The following MAN1A2 variants were observed in gnomAD, a reference collection of about 807,000 sequenced individuals.
MAN1A2 encodes the protein mannosidase alpha class 1A member 2.
A neutral mutation model predicts 75.7 loss-of-function variants in MAN1A2; 26 were observed. That is an observed-to-expected ratio of 0.34 (90% CI 0.25 to 0.48). MAN1A2 has a LOEUF of 0.48. Ranked by LOEUF, MAN1A2 falls within the 20% of genes least tolerant of loss-of-function variation. The probability of loss-of-function intolerance (pLI) is 0.99; values close to 1 mark genes in which losing one functional copy is unlikely to be tolerated. For missense variants in MAN1A2, 562 were observed against 775.5 expected (o/e 0.72, Z 3.27); for synonymous variants, 247 against 264.6 (o/e 0.93, Z 0.65).
chr1:117,424,352 A>T (rs1648297496), intron 5 of MAN1A2, among the ~76,000 whole-genome samples: 1 of 152,170 alleles, frequency 6.6e-6, no homozygotes, highest in African/African-American at 2.4e-5. Context: ...AATTGCAGTG[A>T]TAGCTTTATT....
intron 12 of MAN1A2, among the ~76,000 whole-genome samples, chr1:117,520,815 AC>A (rs1203507853): frequency 6.6e-6 from 1 of 151,924 alleles, no homozygotes; most frequent in African/African-American, 2.4e-5. Flanking sequence ...ACTAGAAAAA[AC>A]ATCCTAAAAT....
rs59022844 is a variant in MAN1A2, at chr1:117,526,880, C to CTATATATATA, written c.*3943_*3952dup. 90 of 54,490 alleles carry CTATATATATA rather than the reference C, an allele frequency of 1.7e-3. No individual in the cohort carries two copies. The highest frequency in any genetic ancestry group is 2.3e-3 in the Non-Finnish European group (67 of 29,144). The allele number at this position is 54,490 out of a possible 1,614,324, so 3.4% of individuals were successfully genotyped here. On this transcript the variant is annotated 3_prime_UTR_variant, in exon 13 of 13. Transcript: ENST00000356554. ...TCTCTCTCTCTCTCTCTCTCTCTCT[C>CTATATATATA]TATATATATATATATATATATATAT...
intron 6 of MAN1A2, among the ~76,000 whole-genome samples, chr1:117,451,377 G>C (rs116357430): frequency 6.6e-6 from 1 of 152,232 alleles, no homozygotes; most frequent in Non-Finnish European, 1.5e-5. Context: ...GCATGTAGGC[G>C]GAGGGGACTT....
At chr1:117,459,139 A>G (rs1307799838) in intron 6 of MAN1A2, among the ~76,000 whole-genome samples, 1 of 152,192 alleles carries the variant, frequency 6.6e-6, no homozygotes, top group Non-Finnish European at 1.5e-5. Context: ...GTTCAGAGCA[A>G]TAGAGGCCAT....
At chr1:117,462,288 A>G (rs1649846971) in intron 7 of MAN1A2, among the ~76,000 whole-genome samples, 1 of 152,164 alleles carries the variant, frequency 6.6e-6, no homozygotes, top group African/African-American at 2.4e-5. Context: ...CATTGTTTAT[A>G]TTGGCAATTT....
intron 8 of MAN1A2, among the ~76,000 whole-genome samples, chr1:117,476,629 T>C (rs976851817): frequency 6.6e-6 from 1 of 151,946 alleles, no homozygotes; most frequent in Non-Finnish European, 1.5e-5. Flanking sequence ...TTTCCCCATT[T>C]CTTGTTTTTG....
intron 1 of MAN1A2, among the ~76,000 whole-genome samples, chr1:117,390,957 C>A (rs892301950): frequency 1.3e-5 from 2 of 152,098 alleles, no homozygotes; most frequent in African/African-American, 2.4e-5. Flanking sequence ...TTAAAGTATA[C>A]AATTCAGTGG....
Position 117,368,215 on chromosome 1 carries a change from G to T in MAN1A2, c.32G>T (p.Gly11Val). The change falls in exon 1 of 13, where the codon GGA (glycine) becomes GTA (valine). Residue 11 changes from glycine (G) to valine (V), a missense_variant. By Grantham distance (109) the Gly-to-Val change is moderately radical (BLOSUM62 -3). Transcript: ENST00000356554. ...ACCCCAGCCCTGCTGCCCCTCTCTG[G>T]ACGTAGGATACCACCTCTGAACCTG... The part of the protein sequence containing the change: MTTPALLPLS[G>V]RRIPPLNLGP... The T allele has an allele frequency of 6.2e-7, 1 of 1,613,826 alleles. No homozygotes were observed. The highest frequency in any genetic ancestry group is 8.5e-7 in the Non-Finnish European group (1 of 1,179,938).
At chr1:117,522,794 T>C (rs1393382306) in intron 12 of MAN1A2, 31 bp from the exon 13 acceptor site, 1 of 1,602,804 alleles carries the variant, frequency 6.2e-7, no homozygotes, top group South Asian at 1.1e-5. Context: ...GAATTCTAAC[T>C]GAAGCTCATT....
chr1:117,461,495 TAG>T (rs562333180), intron 7 of MAN1A2, among the ~76,000 whole-genome samples: 1 of 152,044 alleles, frequency 6.6e-6, no homozygotes, highest in Non-Finnish European at 1.5e-5. Context: ...GATAGCACAA[TAG>T]AGTGACTATA....
At chr1:117,468,739 G>C (rs1271157282) in intron 8 of MAN1A2, among the ~76,000 whole-genome samples, 1 of 152,084 alleles carries the variant, frequency 6.6e-6, no homozygotes, top group Non-Finnish European at 1.5e-5. Flanking sequence ...AGTATACTAT[G>C]CAGCCATTAA....
At chr1:117,510,728 T>G (rs1651511069) in intron 12 of MAN1A2, among the ~76,000 whole-genome samples, 1 of 152,102 alleles carries the variant, frequency 6.6e-6, no homozygotes. Flanking sequence ...GTTAAGTGCC[T>G]GATGTGTGCC....
intron 8 of MAN1A2, among the ~76,000 whole-genome samples, chr1:117,488,096 G>T (rs2101867775): frequency 6.6e-6 from 1 of 152,030 alleles, no homozygotes; most frequent in East Asian, 1.9e-4. Context: ...AGTGACTTCT[G>T]TAATACCCAG....
chr1:117,403,690 T>A (rs536691306), intron 2 of MAN1A2, among the ~76,000 whole-genome samples: 111 of 152,338 alleles, frequency 7.3e-4, no homozygotes, highest in Middle Eastern at 3.4e-3. Flanking sequence ...TGATTTTTCT[T>A]ATACGTAGTC....
intron 6 of MAN1A2, among the ~76,000 whole-genome samples, chr1:117,452,072 C>T (rs991825441): frequency 2.7e-4 from 41 of 151,750 alleles, no homozygotes; most frequent in Admixed American, 2.6e-3. Context: ...TTTGGGAGGC[C>T]GAGGAAGGTG....
chr1:117,394,424 A>G (rs1653843703), intron 1 of MAN1A2, among the ~76,000 whole-genome samples: 1 of 152,212 alleles, frequency 6.6e-6, no homozygotes, highest in Non-Finnish European at 1.5e-5. Flanking sequence ...CTTCTAGTAC[A>G]ATCAAATTGA....
intron 12 of MAN1A2, among the ~76,000 whole-genome samples, chr1:117,519,374 C>A (rs1295565781): frequency 6.6e-6 from 1 of 151,656 alleles, no homozygotes; most frequent in African/African-American, 2.4e-5. Context: ...AAAAAAAATA[C>A]AAAAGATGAA....
chr1:117,458,957 G>C (rs1205160288), intron 6 of MAN1A2, among the ~76,000 whole-genome samples: 1 of 152,110 alleles, frequency 6.6e-6, no homozygotes, highest in African/African-American at 2.4e-5. Context: ...AGGAAATACT[G>C]TTTATCAGAC....
chr1:117,470,009 T>C (rs1366311680), intron 8 of MAN1A2, among the ~76,000 whole-genome samples: 1 of 152,098 alleles, frequency 6.6e-6, no homozygotes, highest in Non-Finnish European at 1.5e-5. Context: ...AAACAGATAC[T>C]TGTAGCCTAG....
Sources: allele counts gnomAD v4.1 joint callset (sites outside exome capture counted in the v4.1 genomes callset), GRCh38; gene constraint gnomAD v4.1.1; transcripts MANE v1.5; gene names NCBI Gene and HGNC (gene_info 2026-07-23, HGNC 2026-07-21).